Variants in DNAH17 observed in about 807,000 individuals in gnomAD.
DNAH17 encodes dynein axonemal heavy chain 17, also known as axonemal beta dynein heavy chain 17.
A neutral mutation model predicts 485.6 loss-of-function variants in DNAH17; 376 were observed. The ratio of observed to expected loss-of-function variants is 0.77; its 90% CI spans 0.71 to 0.84. DNAH17 has a LOEUF of 0.84. Among genes scored for constraint, DNAH17 ranks in the 40% least tolerant of loss-of-function variants. The pLI, the probability that DNAH17 is intolerant of heterozygous loss-of-function variation, is 0.00. For missense variants in DNAH17, 6,370 were observed against 5,839.3 expected (o/e 1.09, Z -2.96); for synonymous variants, 3,031 against 2,405.9 (o/e 1.26, Z -7.60).
rs1410869788 is a variant in DNAH17 at position 78,566,713 on chromosome 17, A to G, written c.1470T>C (p.Tyr490=). Residue 490 remains tyrosine, a synonymous_variant, in exon 11 of 81, where the codon TAT becomes TAC. Transcript: ENST00000389840. The stretch of plus-strand genomic sequence containing the variant: ...CTTGGATTTTGATCTCAAAATCAGC[A>G]TAATCACGGTCAAAATTCTAAAAGC... ...DPGDSNFDRD[Y]ADFEIKIQDL... The G allele has an allele frequency of 6.2e-7, 1 of 1,605,232 alleles. No individual in the cohort carries two copies. Among genetic ancestry groups the G allele is most frequent in the South Asian group, 1.1e-5 (1 of 89,128 alleles).
intron 48 of DNAH17, among the ~76,000 whole-genome samples, chr17:78,483,214 C>T (rs2089428302): frequency 6.6e-6 from 1 of 152,248 alleles, no homozygotes. Flanking sequence ...GGAGCCACCT[C>T]TGATGCCTCC....
chr17:78,496,050 C>G lies in DNAH17; in HGVS notation c.5746-18G>C, dbSNP rs1302138817. 6.2e-7 allele frequency: 1 copy of G among 1,606,138 alleles called. No individual in the cohort carries two copies. Among genetic ancestry groups the G allele is most frequent in the East Asian group, 2.2e-5 (1 of 44,658 alleles). ...CATTTTACCTGCACGGTTGGTGACA[C>G]AGACATGTTAGCATGGAAATGGCCA... On this transcript the variant is annotated intron_variant, in intron 37 of 80. Transcript: ENST00000389840.
At chr17:78,457,304 G>A (rs2087850787) in intron 62 of DNAH17, among the ~76,000 whole-genome samples, 1 of 152,088 alleles carries the variant, frequency 6.6e-6, no homozygotes, top group Admixed American at 6.5e-5. Context: ...CCGGGAGATG[G>A]AGGTTGCAGT....
At chr17:78,433,939 A>AG (rs1380366201) in intron 75 of DNAH17, 90 bp downstream of exon 75, 2 of 913,654 alleles carry the variant, frequency 2.2e-6, no homozygotes, top group Non-Finnish European at 3.1e-6. Flanking sequence ...GAGGGAGGGA[A>AG]GGAGGGAGGG....
chr17:78,449,398 T>C lies in DNAH17; in HGVS notation c.11211+16A>G. On this transcript the variant is annotated intron_variant, in intron 69 of 80. Transcript: ENST00000389840. Reference sequence around the variant, plus strand: ...GGTCCACGGACCACACTAGGAACAGTGAGGCTAGACATTACCTGAAACGTA... The same window carrying C: ...GGTCCACGGACCACACTAGGAACAGCGAGGCTAGACATTACCTGAAACGTA... 6.5e-7 allele frequency: 1 copy of C among 1,541,652 alleles called. No individual in the cohort carries two copies. Among genetic ancestry groups the C allele is most frequent in the Non-Finnish European group, 8.8e-7 (1 of 1,139,956 alleles).
At chr17:78,516,693 A>G (rs1442837885) in intron 25 of DNAH17, among the ~76,000 whole-genome samples, 18 of 65,360 alleles carry the variant, frequency 2.8e-4, no homozygotes, top group Non-Finnish European at 5.5e-4. Context: ...CCATCTCAGA[A>G]AAAAAAAAAA....
In DNAH17 at chr17:78,543,873, A is replaced by G. The variant is rs143971493; in HGVS notation, c.2516T>C (p.Ile839Thr). The G allele has an allele frequency of 1.2e-6, 2 of 1,614,018 alleles. No homozygotes were observed. The highest frequency in any genetic ancestry group is 1.7e-6 in the Non-Finnish European group (2 of 1,179,886). Residue 839 changes from isoleucine (I) to threonine (T), a missense_variant, in exon 17 of 81, where the codon ATC becomes ACC. Transcript: ENST00000389840. ...TTTCCTTACTGCAACCATGGCTTGG[A>G]TCTTCACTCCAGCATCCCTGACTGC... ...YAAVRDAGVK[I>T]QAMVAENAEL...
At position 78,510,524 on chromosome 17, in the gene DNAH17, A is replaced by C; in HGVS notation, c.4114-18T>G. ...AATTTCACCTAAGGGAAAAAAATCC[A>C]GGCAGGATTCATTTCAGGTCATGTG... is the stretch of plus-strand genomic sequence containing the variant. On this transcript the variant is annotated intron_variant, in intron 26 of 80. Coordinates refer to ENST00000389840, the MANE Select transcript of DNAH17 (RefSeq NM_173628.4). The C allele has an allele frequency of 2.5e-6, 4 of 1,613,382 alleles. No homozygotes were observed. The highest frequency in any genetic ancestry group is 3.4e-6 in the Non-Finnish European group (4 of 1,179,454).
rs768984566 is a variant in DNAH17, at chr17:78,475,456, T to C, written c.8333A>G (p.Asp2778Gly). 1.9e-6 allele frequency: 3 copies of C among 1,613,554 alleles called. No individual in the cohort carries two copies. The highest frequency in any genetic ancestry group is 2.2e-5 in the South Asian group (2 of 91,066). The change falls in exon 54 of 81, where the codon GAC (aspartate) becomes GGC (glycine). Residue 2778 changes from aspartate (D) to glycine (G), a missense_variant. By Grantham distance (94) the Asp-to-Gly change is moderately conservative. Coordinates refer to ENST00000389840, the MANE Select transcript of DNAH17 (RefSeq NM_173628.4). ...NAVMNLVLFEDAVAHICRINR... is the reference protein window; with the variant it reads ...NAVMNLVLFEGAVAHICRINR... ...AATCCTGCAGATGTGAGCCACGGCG[T>C]CCTCAAACAGCACCTGCAGAAACCG...
At chr17:78,530,951 C>T (rs1457576266) in intron 20 of DNAH17, among the ~76,000 whole-genome samples, 2 of 152,248 alleles carry the variant, frequency 1.3e-5, no homozygotes, top group Non-Finnish European at 2.9e-5. Flanking sequence ...CTCTTTCTCA[C>T]TGTGCATTGG....
intron 41 of DNAH17, among the ~76,000 whole-genome samples, chr17:78,493,414 C>T (rs1162766831): frequency 2.0e-5 from 3 of 152,220 alleles, no homozygotes; most frequent in Non-Finnish European, 2.9e-5. Flanking sequence ...TAGGAAAACT[C>T]CCCACAATCC....
At position 78,423,893 on chromosome 17, in the gene DNAH17, A is replaced by G; in HGVS notation, c.*13T>C. 1.9e-6 allele frequency: 3 copies of G among 1,613,516 alleles called. No homozygotes were observed. Among genetic ancestry groups the G allele is most frequent in the Non-Finnish European group, 2.5e-6 (3 of 1,179,598 alleles). ...CCAGCCCCAGGGAGTGTGGGCTGTG[A>G]GGCAGGAGCGAGCTAAACCTGTAGG... On this transcript the variant is annotated 3_prime_UTR_variant, in exon 81 of 81. Transcript: ENST00000389840.
chr17:78,485,640 T>G lies in DNAH17; in HGVS notation c.7393A>C (p.Met2465Leu). 1 of 1,613,882 alleles carries G rather than the reference T, an allele frequency of 6.2e-7. No homozygotes were observed. The highest frequency in any genetic ancestry group is 1.7e-5 in the Admixed American group (1 of 60,006). Residue 2465 changes from methionine to leucine, a missense_variant, in exon 47 of 81, where the codon ATG (methionine) becomes CTG (leucine). Coordinates refer to ENST00000389840, the MANE Select transcript of DNAH17 (RefSeq NM_173628.4). ...TTCAGGCTTTCCAGCTTGTCCCCCA[T>G]CAGCACCGACTTGCCCGTCCCCGCG... is the stretch of plus-strand genomic sequence containing the variant. ...GNAGTGKSVL[M>L]GDKLESLNTD...
chr17:78,432,434 G>A (rs1357936826), intron 75 of DNAH17, among the ~76,000 whole-genome samples: 2 of 152,192 alleles, frequency 1.3e-5, no homozygotes, highest in Non-Finnish European at 2.9e-5. Context: ...TATGGCCCAT[G>A]GTGGCCCATT....
At chr17:78,476,756 A>G in intron 51 of DNAH17, 23 bp from the exon 52 acceptor site, 1 of 1,606,416 alleles carries the variant, frequency 6.2e-7, no homozygotes, top group South Asian at 1.1e-5. Context: ...CAGGATGATC[A>G]GCACCGTCAG....
At chr17:78,457,242 G>T (rs186969295) in intron 62 of DNAH17, among the ~76,000 whole-genome samples, 1 of 152,150 alleles carries the variant, frequency 6.6e-6, no homozygotes, top group African/African-American at 2.4e-5. Flanking sequence ...GTGGTGGCAC[G>T]CATCTGTGGT....
chr17:78,494,888 A>C, intron 39 of DNAH17, 68 bp from the exon 40 acceptor site: 2 of 1,575,796 alleles, frequency 1.3e-6, no homozygotes, highest in Admixed American at 1.7e-5. Flanking sequence ...CAGGTCTGGA[A>C]GCCAACCCTG....
In DNAH17 at chr17:78,569,178, G is replaced by T. The variant is rs751289350; in HGVS notation, c.1272C>A (p.Ile424=). 6.2e-7 allele frequency: 1 copy of T among 1,603,622 alleles called. No individual in the cohort carries two copies. The highest frequency in any genetic ancestry group is 8.5e-7 in the Non-Finnish European group (1 of 1,174,956). ...GTTCTGTTTTTACCTCAATGGTCTG[G>T]ATGCGCTGGAAGAAGGAATTTATCC... is the stretch of plus-strand genomic sequence containing the variant. ...FSRINSFFQR[I]QTIEELYKTA... Residue 424 remains isoleucine (I), a synonymous_variant, in exon 9 of 81, where the codon ATC becomes ATA. Coordinates refer to ENST00000389840, the MANE Select transcript of DNAH17 (RefSeq NM_173628.4).
chr17:78,543,886 C>T lies in DNAH17; in HGVS notation c.2503G>A (p.Ala835Thr). The T allele has an allele frequency of 6.2e-7, 1 of 1,614,076 alleles. No individual in the cohort carries two copies. Among genetic ancestry groups the T allele is most frequent in the African/African-American group, 1.3e-5 (1 of 75,066 alleles). Residue 835 changes from alanine (A) to threonine (T), a missense_variant, in exon 17 of 81, where the codon GCT (alanine) becomes ACT (threonine). Ala to Thr is a moderately conservative substitution (Grantham distance 58, BLOSUM62 0). Transcript: ENST00000389840. ...ACCATGGCTTGGATCTTCACTCCAG[C>T]ATCCCTGACTGCTGCGTAGCGCTTG... ...LNKRYAAVRD[A>T]GVKIQAMVAE...
Sources: allele counts gnomAD v4.1 joint callset (sites outside exome capture counted in the v4.1 genomes callset), GRCh38; gene constraint gnomAD v4.1.1; transcripts MANE v1.5; gene names NCBI Gene and HGNC (gene_info 2026-07-23, HGNC 2026-07-21).